Variants in VSTM5 observed in about 807,000 individuals in gnomAD.
VSTM5 encodes the protein V-set and transmembrane domain-containing protein 5.
In VSTM5, 21 loss-of-function variants were observed where a neutral mutation model predicts 20.3. The observed-to-expected ratio is 1.03, with a 90% CI of 0.73 to 1.49. VSTM5 has a LOEUF of 1.49. Ranked by LOEUF, VSTM5 falls within the 40% of genes most tolerant of loss-of-function variation. VSTM5 has a pLI of 0.00. For synonymous variants in VSTM5, 100 were observed against 102.5 expected (o/e 0.98, Z 0.14); for missense variants, 219 against 250.0 (o/e 0.88, Z 0.84).
chr11:93,844,837 C>CGTTCAGATGTGCTGAACCA (rs368658605), intron 1 of VSTM5, among the ~76,000 whole-genome samples: 5 of 132,604 alleles, frequency 3.8e-5, no homozygotes, highest in South Asian at 5.2e-4. Context: ...TGCAGGGCCC[C>CGTTCAGATGTGCTGAACCA]GCTGCTACCC....
intron 1 of VSTM5, among the ~76,000 whole-genome samples, chr11:93,828,567 C>T (rs967094264): frequency 6.6e-6 from 1 of 152,064 alleles, no homozygotes; most frequent in Admixed American, 6.6e-5. Flanking sequence ...GTTGAGATGG[C>T]AAGAATATAA....
At position 93,820,726 on chromosome 11, in the gene VSTM5, A is replaced by G. The variant is rs1944173654; in HGVS notation, c.559+17T>C. The G allele has an allele frequency of 1.3e-6, 2 of 1,551,520 alleles. No homozygotes were observed. The highest frequency in any genetic ancestry group is 2.7e-5 in the African/African-American group (2 of 73,046). On this transcript the variant is annotated intron_variant, in intron 3 of 3. Transcript: ENST00000409977. ...CTCAAAACCACTCATGGATTATCAC[A>G]AGGCCCAGGGGGTTACCTTTGAGTT...
chr11:93,835,741 C>T (rs74865077), intron 1 of VSTM5, among the ~76,000 whole-genome samples: 6,413 of 152,210 alleles, frequency 0.042, 435 homozygotes, highest in African/African-American at 0.15. Flanking sequence ...AAATCAACAT[C>T]TTCAAAGATA....
At chr11:93,827,499 G>C (rs1565300219) in intron 1 of VSTM5, 1 of 152,200 alleles carries the variant, frequency 6.6e-6, no homozygotes, top group Non-Finnish European at 1.5e-5. Context: ...TGCATCTCAT[G>C]CTAAAATTAA....
chr11:93,848,500 G>T (rs1336683784), intron 1 of VSTM5, among the ~76,000 whole-genome samples: 1 of 152,132 alleles, frequency 6.6e-6, no homozygotes, highest in Non-Finnish European at 1.5e-5. Context: ...ATTTTGTCTG[G>T]TACACCCTGC....
chr11:93,825,320 C>T (rs1485427249), intron 1 of VSTM5, among the ~76,000 whole-genome samples: 1 of 152,194 alleles, frequency 6.6e-6, no homozygotes, highest in Non-Finnish European at 1.5e-5. Flanking sequence ...TAGGTGTGCA[C>T]CACCACATCC....
At chr11:93,844,006 C>T (rs1359556696) in intron 1 of VSTM5, among the ~76,000 whole-genome samples, 1 of 152,192 alleles carries the variant, frequency 6.6e-6, no homozygotes, top group Non-Finnish European at 1.5e-5. Context: ...CAGCACAGCT[C>T]ACACCAGCCT....
intron 1 of VSTM5, among the ~76,000 whole-genome samples, chr11:93,837,011 GCA>G (rs59949447): frequency 7.2e-4 from 101 of 140,826 alleles, no homozygotes; most frequent in African/African-American, 2.3e-3. Flanking sequence ...AAAAAAAAAT[GCA>G]CACACACACA....
chr11:93,850,188 T>C (rs1418452094), intron 1 of VSTM5, among the ~76,000 whole-genome samples: 1 of 151,872 alleles, frequency 6.6e-6, no homozygotes, highest in Non-Finnish European at 1.5e-5. Context: ...GCCGGTAGCC[T>C]CTGCTTTGCC....
chr11:93,832,995 C>T (rs1944294606), intron 1 of VSTM5, among the ~76,000 whole-genome samples: 1 of 152,150 alleles, frequency 6.6e-6, no homozygotes, highest in Non-Finnish European at 1.5e-5. Flanking sequence ...GAAGTCTAGA[C>T]CTGGGCTGTT....
chr11:93,848,028 C>A (rs900299227), intron 1 of VSTM5, among the ~76,000 whole-genome samples: 1 of 152,172 alleles, frequency 6.6e-6, no homozygotes, highest in African/African-American at 2.4e-5. Context: ...TCATCTAAAC[C>A]AAATCACCTC....
At chr11:93,822,378 A>G in intron 1 of VSTM5, among the ~76,000 whole-genome samples, 1 of 149,826 alleles carries the variant, frequency 6.7e-6, no homozygotes, top group Non-Finnish European at 1.5e-5. Context: ...CAGTGCACCC[A>G]GCCATCTCCT....
At chr11:93,825,936 TA>T (rs59575948) in intron 1 of VSTM5, among the ~76,000 whole-genome samples, 2 of 148,982 alleles carry the variant, frequency 1.3e-5, no homozygotes, top group African/African-American at 4.9e-5. Flanking sequence ...GAGTTGATTT[TA>T]AAAAAAAAAG....
In VSTM5 at chr11:93,821,256, G is replaced by C. The variant is rs1425946182; in HGVS notation, c.159C>G (p.Leu53=). Residue 53 remains leucine, a synonymous_variant, in exon 2 of 4, where the codon CTC becomes CTG. Coordinates refer to ENST00000409977, the MANE Select transcript of VSTM5 (RefSeq NM_001144871.2). ...CTCCATGACAGGAGTACTCAACTGA[G>C]AGCAGGATGTCTTCTTTGACAGTGG... is the stretch of plus-strand genomic sequence containing the variant. ...INATVKEDIL[L]SVEYSCHGVP... is the part of the protein sequence containing the mutation. 6.4e-6 allele frequency: 10 copies of C among 1,551,772 alleles called. No homozygotes were observed. Among genetic ancestry groups the C allele is most frequent in the African/African-American group, 1.4e-5 (1 of 73,056 alleles).
chr11:93,837,976 C>T (rs983347198), intron 1 of VSTM5, among the ~76,000 whole-genome samples: 4 of 136,758 alleles, frequency 2.9e-5, no homozygotes, highest in African/African-American at 1.1e-4. Flanking sequence ...GAGGGTGGCA[C>T]AGGAGGGCAA....
chr11:93,835,505 G>C (rs1277361745), intron 1 of VSTM5, among the ~76,000 whole-genome samples: 1 of 152,094 alleles, frequency 6.6e-6, no homozygotes, highest in African/African-American at 2.4e-5. Context: ...CCAAAAATAG[G>C]CTAAGATACT....
chr11:93,840,075 G>A (rs1944358731), intron 1 of VSTM5, among the ~76,000 whole-genome samples: 2 of 152,170 alleles, frequency 1.3e-5, no homozygotes, highest in South Asian at 4.1e-4. Context: ...ACAGGCCTGA[G>A]AACTAACCAG....
At chr11:93,844,251 G>C (rs1944394803) in intron 1 of VSTM5, among the ~76,000 whole-genome samples, 1 of 152,190 alleles carries the variant, frequency 6.6e-6, no homozygotes, top group South Asian at 2.1e-4. Context: ...GGAGAGAGGA[G>C]CTCTGGTGTT....
chr11:93,847,319 G>A lies in VSTM5; in HGVS notation c.91+3093C>T, dbSNP rs571050992. Among the ~76,000 whole-genome samples the A allele has an allele frequency of 1.7e-4, 26 of 152,190 alleles. 1 individual carries two copies. The East Asian group carries it at 3.1e-3, about 18-fold the overall frequency. Reference sequence around the variant, plus strand: ...TATGGAGTGATGGACCCAGAGTCTCGTGAAGGGCCTTGAGAGGATTCCTTC... The same window carrying A: ...TATGGAGTGATGGACCCAGAGTCTCATGAAGGGCCTTGAGAGGATTCCTTC... On this transcript the variant is annotated intron_variant, in intron 1 of 3. Coordinates refer to ENST00000409977, the MANE Select transcript of VSTM5 (RefSeq NM_001144871.2).
Sources: gnomAD v4.1 joint callset for allele counts (sites outside exome capture counted in the v4.1 genomes callset) on GRCh38, gnomAD v4.1.1 for gene constraint, MANE v1.5 for transcripts, NCBI Gene and HGNC (gene_info 2026-07-23, HGNC 2026-07-21) for gene names.